The following GALNT13 variants were observed in gnomAD, a reference collection of about 807,000 sequenced individuals.
GALNT13 encodes polypeptide N-acetylgalactosaminyltransferase 13.
In GALNT13, 28 loss-of-function variants were observed where a neutral mutation model predicts 64.2. The observed-to-expected ratio is 0.44, with a 90% confidence interval of 0.32 to 0.60. GALNT13 has a LOEUF of 0.60. Ranked by LOEUF, GALNT13 falls within the 20% of genes least tolerant of loss-of-function variation. The probability of loss-of-function intolerance (pLI) is 0.05; values close to 1 mark genes in which losing one functional copy is unlikely to be tolerated. For missense variants in GALNT13, 577 were observed against 669.8 expected, an observed-to-expected ratio of 0.86 and a Z score of 1.53; for synonymous variants, 214 against 224.6, an observed-to-expected ratio of 0.95 and a Z score of 0.42.
At chr2:153,537,656 G>A in the GALNT13 span, among the ~76,000 whole-genome samples, 3 of 152,230 alleles carry the variant, frequency 2.0e-5, no homozygotes, top group South Asian at 6.2e-4. Flanking sequence ...GGGACTTGGT[G>A]GGAAGGGATT....
intron 3 of GALNT13, among the ~76,000 whole-genome samples, chr2:153,946,780 T>C (rs758796241): frequency 6.6e-5 from 10 of 152,154 alleles, no homozygotes; most frequent in Non-Finnish European, 8.8e-5. Flanking sequence ...CAGTACATTG[T>C]ACTACTTTAA....
intron 9 of GALNT13, among the ~76,000 whole-genome samples, chr2:154,309,664 CA>C (rs1343210670): frequency 4.6e-5 from 7 of 152,180 alleles, no homozygotes; most frequent in Admixed American, 4.6e-4. Context: ...GATCCACTCC[CA>C]TGACCCAAAC....
chr2:153,673,899 T>C, the GALNT13 span, among the ~76,000 whole-genome samples: 1 of 152,116 alleles, frequency 6.6e-6, no homozygotes, highest in Non-Finnish European at 1.5e-5. Context: ...AGCATTCCTA[T>C]ACACCAGTAA....
At chr2:153,777,847 A>T in the GALNT13 span, among the ~76,000 whole-genome samples, 1 of 152,138 alleles carries the variant, frequency 6.6e-6, no homozygotes, top group African/African-American at 2.4e-5. Flanking sequence ...TGGGTTAGTC[A>T]GCTCAGTTAG....
chr2:153,773,413 C>T, the GALNT13 span, among the ~76,000 whole-genome samples: 3 of 152,196 alleles, frequency 2.0e-5, no homozygotes, highest in Non-Finnish European at 4.4e-5. Flanking sequence ...ACTAATTCTA[C>T]TATCGTATTG....
the GALNT13 span, among the ~76,000 whole-genome samples, chr2:153,272,488 T>C: frequency 9.9e-5 from 15 of 151,822 alleles, no homozygotes; most frequent in Middle Eastern, 3.4e-3. Context: ...GACATTTATA[T>C]GGCCAACAAA....
the GALNT13 span, among the ~76,000 whole-genome samples, chr2:153,361,389 G>A: frequency 3.3e-5 from 5 of 152,144 alleles, no homozygotes; most frequent in East Asian, 7.8e-4. Context: ...ACAGAAGTAC[G>A]CTTCAGAAGG....
the GALNT13 span, among the ~76,000 whole-genome samples, chr2:153,403,402 A>C: frequency 1.4e-4 from 22 of 152,260 alleles, no homozygotes; most frequent in Non-Finnish European, 2.9e-4. Context: ...CCCTGCCCCC[A>C]GAGGTGGAGC....
At chr2:153,580,608 A>G in the GALNT13 span, among the ~76,000 whole-genome samples, 1 of 152,186 alleles carries the variant, frequency 6.6e-6, no homozygotes, top group East Asian at 1.9e-4. Flanking sequence ...GACTACAGAG[A>G]AGAAAGAAAC....
chr2:154,229,132 A>C (rs937009830), intron 4 of GALNT13, among the ~76,000 whole-genome samples: 1 of 151,988 alleles, frequency 6.6e-6, no homozygotes, highest in Admixed American at 6.6e-5. Context: ...TGACCAAAAA[A>C]AAGAAAAAAA....
At chr2:153,759,634 C>G in the GALNT13 span, among the ~76,000 whole-genome samples, 9 of 152,026 alleles carry the variant, frequency 5.9e-5, no homozygotes, top group South Asian at 1.9e-3. Context: ...GTTGAATCAT[C>G]CTTGCATCCC....
At chr2:154,307,224 G>A (rs574100222) in intron 9 of GALNT13, among the ~76,000 whole-genome samples, 2 of 152,078 alleles carry the variant, frequency 1.3e-5, no homozygotes, top group South Asian at 4.2e-4. Flanking sequence ...ATAATCATAG[G>A]TACACACTGT....
the GALNT13 span, among the ~76,000 whole-genome samples, chr2:153,201,956 C>T: frequency 1.3e-5 from 2 of 151,188 alleles, no homozygotes; most frequent in East Asian, 1.9e-4. Flanking sequence ...CAGGATGGCC[C>T]CTCTCTCCAC....
chr2:154,419,878 C>T (rs1390381652), intron 11 of GALNT13, among the ~76,000 whole-genome samples: 2 of 152,018 alleles, frequency 1.3e-5, no homozygotes, highest in Non-Finnish European at 2.9e-5. Flanking sequence ...AATAGTAGGA[C>T]AAAATATTAT....
chr2:153,851,820 A>G, the GALNT13 span, among the ~76,000 whole-genome samples: 1 of 152,234 alleles, frequency 6.6e-6, no homozygotes, highest in Non-Finnish European at 1.5e-5. Flanking sequence ...AAAACTCTTA[A>G]GATCATAGAC....
At chr2:153,455,853 A>G in the GALNT13 span, among the ~76,000 whole-genome samples, 1 of 152,188 alleles carries the variant, frequency 6.6e-6, no homozygotes, top group South Asian at 2.1e-4. Flanking sequence ...AAAAAATAAA[A>G]AAAATGAGGT....
chr2:154,267,389 C>T (rs559704901), intron 8 of GALNT13, among the ~76,000 whole-genome samples: 6 of 152,196 alleles, frequency 3.9e-5, no homozygotes, highest in East Asian at 3.9e-4. Context: ...CCTGTAATCC[C>T]AGCACTTTGG....
intron 3 of GALNT13, among the ~76,000 whole-genome samples, chr2:154,005,526 G>A (rs1056154706): frequency 2.6e-5 from 4 of 152,122 alleles, no homozygotes; most frequent in Non-Finnish European, 5.9e-5. Flanking sequence ...AAACCATAAT[G>A]TGGAAATGAG....
At chr2:153,340,295 AT>A in the GALNT13 span, among the ~76,000 whole-genome samples, 5 of 151,520 alleles carry the variant, frequency 3.3e-5, no homozygotes, top group Admixed American at 2.6e-4. Flanking sequence ...AGCCTTTTGT[AT>A]CTTTATTTAT....
Sources: gnomAD v4.1 joint callset for allele counts (sites outside exome capture counted in the v4.1 genomes callset) on GRCh38, gnomAD v4.1.1 for gene constraint, MANE v1.5 for transcripts, NCBI Gene and HGNC (gene_info 2026-07-23, HGNC 2026-07-21) for gene names.